Variants in SLC15A5 observed in about 807,000 individuals in gnomAD.
The protein encoded by SLC15A5 is Peptide/histidine transporter ENSP00000340402.
In SLC15A5, 58 loss-of-function variants were observed where a neutral mutation model predicts 56.1. The ratio of observed to expected loss-of-function variants is 1.03; its 90% CI spans 0.84 to 1.29. The LOEUF is 1.29. SLC15A5 is among the 50% of genes most tolerant of loss of function. The pLI, the probability that SLC15A5 is intolerant of heterozygous loss-of-function variation, is 0.00. For missense variants in SLC15A5, 681 were observed against 672.1 expected (o/e 1.01, Z -0.15); for synonymous variants, 264 against 250.5 (o/e 1.05, Z -0.51).
At chr12:16,259,904 G>GGGC (rs775470826) in intron 2 of SLC15A5, among the ~76,000 whole-genome samples, 2,566 of 151,780 alleles carry the variant, frequency 0.017, 59 homozygotes, top group Non-Finnish European at 0.024. Context: ...ACCCGGGCGG[G>GGGC]GGGTAAGTTA....
At position 16,271,930 on chromosome 12, in the gene SLC15A5, T is replaced by G. The variant is rs1864762865; in HGVS notation, c.584+631A>C. 6.6e-6 allele frequency among the ~76,000 whole-genome samples: 1 copy of G among 152,164 alleles called. No individual in the cohort carries two copies. Among genetic ancestry groups the G allele is most frequent in the African/African-American group, 2.4e-5 (1 of 41,442 alleles). ...ATGGAATATAAACTCTTTTAGGTGT[T>G]GGGAGCGAACTGGGTGAGAAACAGA... is the stretch of plus-strand genomic sequence containing the variant. On this transcript the variant is annotated intron_variant, in intron 2 of 8. Transcript: ENST00000344941. This position sits in a 1 kb window ranked among gnomAD's most constrained non-coding sequence, Gnocchi z 8.0.
chr12:16,275,695 A>T (rs1591664944), intron 1 of SLC15A5, among the ~76,000 whole-genome samples: 1 of 152,060 alleles, frequency 6.6e-6, no homozygotes, highest in South Asian at 2.1e-4. Flanking sequence ...TAGTAAAAAA[A>T]TGAATGGATG....
intron 6 of SLC15A5, among the ~76,000 whole-genome samples, chr12:16,218,352 G>A (rs1864151407): frequency 6.6e-6 from 1 of 152,160 alleles, no homozygotes; most frequent in Non-Finnish European, 1.5e-5. Flanking sequence ...GAAATCATAA[G>A]TAAATATTAC....
At chr12:16,239,646 A>G in intron 5 of SLC15A5, 35 bp downstream of exon 5, 1 of 1,522,504 alleles carries the variant, frequency 6.6e-7, no homozygotes, top group South Asian at 1.2e-5. Context: ...AAAAAGTTTC[A>G]AACGATTCGC....
chr12:16,198,228 C>G (rs1206378221), intron 7 of SLC15A5, among the ~76,000 whole-genome samples: 1 of 152,076 alleles, frequency 6.6e-6, no homozygotes, highest in African/African-American at 2.4e-5. Context: ...TGTATTTGTT[C>G]ATTTGAAAGT....
intron 3 of SLC15A5, among the ~76,000 whole-genome samples, chr12:16,250,507 A>G (rs201327265): frequency 6.6e-6 from 1 of 152,194 alleles, no homozygotes; most frequent in East Asian, 1.9e-4. Context: ...AAAGAAAAAT[A>G]TGTTACGAAT....
chr12:16,239,695 A>G lies in SLC15A5; in HGVS notation c.1148T>C (p.Leu383Pro), dbSNP rs1477083767. The change falls in exon 5 of 9, where the codon CTG becomes CCG. Residue 383 changes from leucine to proline, a missense_variant. By Grantham distance (98) the Leu-to-Pro change is moderately conservative (BLOSUM62 -3). Transcript: ENST00000344941. ...ATTGTACTTACTGATGCATGTTGACAGAAATGATCCAACTCTCTTAGAGGG... is the reference window on the plus strand; with the variant it reads ...ATTGTACTTACTGATGCATGTTGACGGAAATGATCCAACTCTCTTAGAGGG... ...LFPSKRVGSF[L>P]STCIIAGNLF... The G allele has an allele frequency of 1.3e-6, 2 of 1,536,548 alleles. No homozygotes were observed. Among genetic ancestry groups the G allele is most frequent in the African/African-American group, 1.4e-5 (1 of 73,046 alleles).
chr12:16,193,449 T>A (rs975164547), intron 8 of SLC15A5, among the ~76,000 whole-genome samples: 5 of 152,022 alleles, frequency 3.3e-5, no homozygotes, highest in African/African-American at 4.8e-5. Flanking sequence ...CTTTGACATC[T>A]TTCTGGTTTA....
At chr12:16,266,165 A>G (rs986411610) in intron 2 of SLC15A5, among the ~76,000 whole-genome samples, 8 of 152,236 alleles carry the variant, frequency 5.3e-5, no homozygotes, top group Non-Finnish European at 1.2e-4. Context: ...AACTGGGTGG[A>G]GTCCCTAGGC....
At chr12:16,238,382 C>G (rs897733843) in intron 5 of SLC15A5, among the ~76,000 whole-genome samples, 10 of 151,994 alleles carry the variant, frequency 6.6e-5, no homozygotes, top group Admixed American at 5.9e-4. Flanking sequence ...CATCCCAGCA[C>G]TTTGGGAGGC....
At chr12:16,218,461 T>C (rs1864152609) in intron 6 of SLC15A5, among the ~76,000 whole-genome samples, 1 of 152,154 alleles carries the variant, frequency 6.6e-6, no homozygotes. Flanking sequence ...CATTAGGTGA[T>C]TTTGCCATTG....
rs573265554 is a variant in SLC15A5, at chr12:16,271,157, CA to C, written c.584+1403del. Among the ~76,000 whole-genome samples, 78 of 152,274 alleles carry C rather than the reference CA, an allele frequency of 5.1e-4. No individual in the cohort carries two copies. The highest frequency in any genetic ancestry group is 1.8e-3 in the African/African-American group (74 of 41,570). Reference sequence around the variant, plus strand: ...TTCCTGAAGCCCTAAAGCACACACCCAGTGGGAGTCCCCTCTGTTTCCCAAA... The same window carrying C: ...TTCCTGAAGCCCTAAAGCACACACCCGTGGGAGTCCCCTCTGTTTCCCAAA... On this transcript the variant is annotated intron_variant, in intron 2 of 8. Coordinates refer to ENST00000344941, the MANE Select transcript of SLC15A5 (RefSeq NM_001170798.1). The surrounding 1 kb of genome is among the most constrained non-coding windows in gnomAD (Gnocchi z 8.0).
At position 16,189,482 on chromosome 12, in the gene SLC15A5, T is replaced by C. The variant is rs1201653352; in HGVS notation, c.*186A>G. 15 of 424,792 alleles carry C rather than the reference T, an allele frequency of 3.5e-5. No homozygotes were observed. Among genetic ancestry groups the C allele is most frequent in the African/African-American group, 3.1e-4 (15 of 49,032 alleles). The allele number at this position is 424,792 out of a possible 1,614,324, so 26.3% of individuals were successfully genotyped here. On this transcript the variant is annotated 3_prime_UTR_variant, in exon 9 of 9. Coordinates refer to ENST00000344941, the MANE Select transcript of SLC15A5 (RefSeq NM_001170798.1). The stretch of plus-strand genomic sequence containing the variant: ...TTATTAATTCTAATGCTATAACATG[T>C]TAATGCAAAAGCATGACAGTTTACT...
At chr12:16,209,680 T>C (rs1281631883) in intron 7 of SLC15A5, among the ~76,000 whole-genome samples, 3 of 152,154 alleles carry the variant, frequency 2.0e-5, no homozygotes, top group East Asian at 1.9e-4. Context: ...TTCCTGACAC[T>C]ACCTCCTCCC....
chr12:16,271,927 T>A lies in SLC15A5; in HGVS notation c.584+634A>T, dbSNP rs949274957. ...TTCATGGAATATAAACTCTTTTAGG[T>A]GTTGGGAGCGAACTGGGTGAGAAAC... On this transcript the variant is annotated intron_variant, in intron 2 of 8. Coordinates refer to ENST00000344941, the MANE Select transcript of SLC15A5 (RefSeq NM_001170798.1). The surrounding 1 kb of genome is among the most constrained non-coding windows in gnomAD (Gnocchi z 8.0). Among the ~76,000 whole-genome samples, 3 of 152,146 alleles carry A rather than the reference T, an allele frequency of 2.0e-5. No homozygotes were observed. Among genetic ancestry groups the A allele is most frequent in the African/African-American group, 7.2e-5 (3 of 41,430 alleles).
rs759414831 is a variant in SLC15A5 at position 16,271,724 on chromosome 12, A to G, written c.584+837T>C. Among the ~76,000 whole-genome samples, 9 of 152,224 alleles carry G rather than the reference A, an allele frequency of 5.9e-5. No homozygotes were observed. The highest frequency in any genetic ancestry group is 1.0e-4 in the Non-Finnish European group (7 of 68,038). The stretch of plus-strand genomic sequence containing the variant: ...GACATCCACTGATAGATAACAAAGA[A>G]TAACAAAGAAGTTTTATACTAAATT... On this transcript the variant is annotated intron_variant, in intron 2 of 8. Transcript: ENST00000344941. The surrounding 1 kb of genome is among the most constrained non-coding windows in gnomAD (Gnocchi z 8.0).
intron 7 of SLC15A5, among the ~76,000 whole-genome samples, chr12:16,212,662 G>C (rs1449323766): frequency 6.6e-6 from 1 of 152,122 alleles, no homozygotes; most frequent in Non-Finnish European, 1.5e-5. Context: ...TTGCAATGAG[G>C]TCTAGGAATT....
At chr12:16,224,316 A>G (rs1864217217) in intron 6 of SLC15A5, 98 bp downstream of exon 6, 1 of 1,150,922 alleles carries the variant, frequency 8.7e-7, no homozygotes, top group Non-Finnish European at 1.2e-6. Context: ...CTAGGAGGTG[A>G]ATAGATGACA....
intron 5 of SLC15A5, among the ~76,000 whole-genome samples, chr12:16,226,883 A>G (rs1411192863): frequency 1.3e-5 from 2 of 152,326 alleles, no homozygotes; most frequent in South Asian, 2.1e-4. Context: ...GCTTGATGGA[A>G]TTTATTTGAA....
Sources: allele counts gnomAD v4.1 joint callset (sites outside exome capture counted in the v4.1 genomes callset), GRCh38; gene constraint gnomAD v4.1.1; non-coding constraint Gnocchi (gnomAD v3.1); transcripts MANE v1.5; gene names NCBI Gene and HGNC (gene_info 2026-07-23, HGNC 2026-07-21).